Variants in KDM5A observed in about 807,000 individuals in gnomAD.
KDM5A encodes lysine demethylase 5A.
A neutral mutation model predicts 193.5 loss-of-function variants in KDM5A; 42 were observed. That is an observed-to-expected ratio of 0.22 (90% CI 0.17 to 0.28). KDM5A has a LOEUF of 0.28. Among genes scored for constraint, KDM5A ranks in the 10% least tolerant of loss-of-function variants. The pLI is 1.00. For missense variants in KDM5A, 1,692 were observed against 2,055.1 expected (o/e 0.82, Z 3.42); for synonymous variants, 796 against 718.1 (o/e 1.11, Z -1.73).
At chr12:356,408 T>C in intron 6 of KDM5A, 24 bp downstream of exon 6, 2 of 1,389,342 alleles carry the variant, frequency 1.4e-6, no homozygotes, top group African/African-American at 1.4e-5. Flanking sequence ...TTATCTCTTT[T>C]CATGATCAAA....
At position 326,864 on chromosome 12, in the gene KDM5A, CAAAAAAAAAAAAA is replaced by C. The variant is rs61571425; in HGVS notation, c.1968+1958_1968+1970del. ...TGGGTGACAGAGCTAGACTCTGTCT[CAAAAAAAAAAAAA>C]AAAAAAAAAAAAAAGAAAAGAAACC... On this transcript the variant is annotated intron_variant, in intron 14 of 27. Coordinates refer to ENST00000399788, the MANE Select transcript of KDM5A (RefSeq NM_001042603.3). Among the ~76,000 whole-genome samples the C allele has an allele frequency of 8.1e-3, 698 of 86,042 alleles. 8 individuals are homozygous for C. The highest frequency in any genetic ancestry group is 0.026 in the African/African-American group (598 of 22,654). The allele number at this position is 86,042 out of a possible 152,430, so 56.4% of individuals were successfully genotyped here. A position where few individuals can be genotyped will look rare whatever the true frequency, so the allele number is the denominator to read the frequency against.
At chr12:382,262 T>C (rs1314694841) in intron 3 of KDM5A, among the ~76,000 whole-genome samples, 1 of 151,974 alleles carries the variant, frequency 6.6e-6, no homozygotes, top group Admixed American at 6.6e-5. Flanking sequence ...AGAAACCCTG[T>C]CTCTACTAAC....
At chr12:334,508 T>C (rs1190678555) in intron 10 of KDM5A, 86 bp from the exon 11 acceptor site, 1 of 1,092,190 alleles carries the variant, frequency 9.2e-7, no homozygotes, top group Non-Finnish European at 1.4e-6. Flanking sequence ...CCAGAAAATT[T>C]TTTTATAATA....
At position 309,951 on chromosome 12, in the gene KDM5A, C is replaced by T. The variant is rs1443684874; in HGVS notation, c.3230G>A (p.Arg1077Gln). ...SHTLLQVLSP[R>Q]TDIGVYGSGK... ...ACTCCCATATACACCAATGTCGGTCCGGGGGCTCAGCACCTACAAAAATAA... is the reference window on the plus strand; with the variant it reads ...ACTCCCATATACACCAATGTCGGTCTGGGGGCTCAGCACCTACAAAAATAA... The change falls in exon 22 of 28, where the codon CGG (arginine) becomes CAG (glutamine). Residue 1077 changes from arginine (R) to glutamine (Q), a missense_variant. Physicochemically the swap from Arg to Gln is conservative, Grantham distance 43. This residue lies in a region of KDM5A where 965 missense variants were observed against 1,061.0 expected (regional missense o/e 0.91). Coordinates refer to ENST00000399788, the MANE Select transcript of KDM5A (RefSeq NM_001042603.3). The T allele has an allele frequency of 1.9e-6, 3 of 1,613,248 alleles. No homozygotes were observed. The highest frequency in any genetic ancestry group is 1.1e-5 in the South Asian group (1 of 90,866).
rs1565528353 is a variant in KDM5A at position 307,040 on chromosome 12, C to T, written c.3980G>A (p.Ser1327Asn). The stretch of plus-strand genomic sequence containing the variant: ...TGTTTGTCGAGGAGAAGATGACACA[C>T]TGCTCACCACCCGGTTAAAAGCAGA... ...QQSAFNRVVS[S>N]VSSSPRQTMD... The change falls in exon 24 of 28, where the codon AGT (serine) becomes AAT (asparagine). Residue 1327 changes from serine to asparagine, a missense_variant. Transcript: ENST00000399788. This position sits in a 1 kb window ranked among gnomAD's most constrained non-coding sequence, Gnocchi z 4.3. The T allele has an allele frequency of 8.7e-6, 14 of 1,614,044 alleles. No homozygotes were observed. Among genetic ancestry groups the T allele is most frequent in the Non-Finnish European group, 1.2e-5 (14 of 1,180,022 alleles).
At chr12:340,885 G>A (rs1305835416) in intron 10 of KDM5A, among the ~76,000 whole-genome samples, 8 of 152,058 alleles carry the variant, frequency 5.3e-5, no homozygotes, top group Non-Finnish European at 8.8e-5. Context: ...AAGGTCAAAA[G>A]CTGCTCCTAT....
At chr12:368,252 T>C (rs1397259456) in intron 3 of KDM5A, among the ~76,000 whole-genome samples, 1 of 151,286 alleles carries the variant, frequency 6.6e-6, no homozygotes, top group African/African-American at 2.4e-5. Context: ...TTGCCAGGAG[T>C]GGTGGAAGGG....
At chr12:355,801 T>C (rs1188612427) in intron 6 of KDM5A, among the ~76,000 whole-genome samples, 1 of 152,218 alleles carries the variant, frequency 6.6e-6, no homozygotes, top group Non-Finnish European at 1.5e-5. Flanking sequence ...TAATTAGTCT[T>C]TGTGACTGTA....
intron 26 of KDM5A, among the ~76,000 whole-genome samples, chr12:294,993 C>T (rs371648774): frequency 7.2e-5 from 11 of 152,260 alleles, no homozygotes; most frequent in South Asian, 2.1e-4. Flanking sequence ...TTCTCTCCCC[C>T]CCAGGCTTCT....
intron 13 of KDM5A, among the ~76,000 whole-genome samples, chr12:330,085 G>GTGTGTATA (rs377271333): frequency 1.4e-4 from 20 of 139,372 alleles, no homozygotes; most frequent in East Asian, 4.3e-4. Context: ...GTGTGTGTGT[G>GTGTGTATA]TATATATATA....
chr12:349,985 G>A (rs1393721140), intron 10 of KDM5A, among the ~76,000 whole-genome samples: 3 of 151,816 alleles, frequency 2.0e-5, no homozygotes, highest in Non-Finnish European at 4.4e-5. Context: ...AAAATTAGCT[G>A]GGCGTGGTGG....
In KDM5A at chr12:307,199, G is replaced by T; in HGVS notation, c.3931-110C>A. ...TAATGAATAAGCAAAGTGGCTAACA[G>T]AGTTCTTCAACAGTTAGTAGAAATC... On this transcript the variant is annotated intron_variant, in intron 23 of 27. Coordinates refer to ENST00000399788, the MANE Select transcript of KDM5A (RefSeq NM_001042603.3). This position sits in a 1 kb window ranked among gnomAD's most constrained non-coding sequence, Gnocchi z 4.3. 7.7e-7 allele frequency: 1 copy of T among 1,293,196 alleles called. No individual in the cohort carries two copies. The highest frequency in any genetic ancestry group is 1.5e-5 in the African/African-American group (1 of 67,928). 80.1% of individuals were successfully genotyped at this position (1,293,196 alleles called of 1,614,324 possible).
intron 24 of KDM5A, 141 bp downstream of exon 24, chr12:306,805 C>G (rs139499293): frequency 1.1e-6 from 1 of 883,962 alleles, no homozygotes; most frequent in Non-Finnish European, 1.8e-6. Flanking sequence ...AAAAATGCTA[C>G]GACTAAAAAC....
At chr12:359,106 T>C (rs974544587) in intron 5 of KDM5A, among the ~76,000 whole-genome samples, 14 of 151,634 alleles carry the variant, frequency 9.2e-5, no homozygotes, top group Admixed American at 5.9e-4. Flanking sequence ...AAGAATAAAA[T>C]TAAACTCCCA....
chr12:388,939 A>G lies in KDM5A; in HGVS notation c.153T>C (p.Ile51=). ...CAGACTGAGGTACCTTGGGCGGCCG[A>G]ATTTTGCAGATGCCGGTTTTCTCCG... ...PLAEKTGICK[I]RPPKDWQPPF... Residue 51 remains isoleucine (I), a synonymous_variant, in exon 1 of 28, where the codon ATT becomes ATC. Transcript: ENST00000399788. 1.9e-6 allele frequency: 3 copies of G among 1,614,178 alleles called. No individual in the cohort carries two copies. The highest frequency in any genetic ancestry group is 4.5e-5 in the East Asian group (2 of 44,890).
At chr12:329,172 T>A in intron 13 of KDM5A, 143 bp from the exon 14 acceptor site, 1 of 722,434 alleles carries the variant, frequency 1.4e-6, no homozygotes, top group Non-Finnish European at 2.4e-6. Flanking sequence ...AATATTCTAT[T>A]AACTGTAAAT....
chr12:301,887 CAGAG>C (rs1230552704), intron 24 of KDM5A, among the ~76,000 whole-genome samples: 3 of 150,100 alleles, frequency 2.0e-5, no homozygotes, highest in African/African-American at 7.4e-5. Context: ...CACACACAAA[CAGAG>C]AGCCAAATCA....
intron 25 of KDM5A, among the ~76,000 whole-genome samples, chr12:296,160 A>T (rs1168048640): frequency 1.3e-5 from 2 of 152,020 alleles, no homozygotes; most frequent in Non-Finnish European, 2.9e-5. Context: ...CTCTACTAAA[A>T]ATACAAAAAA....
chr12:364,552 G>T (rs917663832), intron 4 of KDM5A, among the ~76,000 whole-genome samples: 1 of 151,302 alleles, frequency 6.6e-6, no homozygotes. Flanking sequence ...TTGGGAGGCC[G>T]AGGTGAGTGG....
Sources: allele counts gnomAD v4.1 joint callset (sites outside exome capture counted in the v4.1 genomes callset), GRCh38; gene constraint gnomAD v4.1.1; regional missense constraint gnomAD v4.1.1; non-coding constraint Gnocchi (gnomAD v3.1); transcripts MANE v1.5; gene names NCBI Gene and HGNC (gene_info 2026-07-23, HGNC 2026-07-21).